ZFHX3: variants seen among roughly 807,000 people sequenced by gnomAD.
The protein encoded by ZFHX3 is zinc finger homeobox 3.
Under a neutral mutation model 279.1 loss-of-function variants are expected in ZFHX3, and 42 were observed. The ratio of observed to expected loss-of-function variants is 0.15; its 90% CI spans 0.12 to 0.19. ZFHX3 has a LOEUF of 0.19. Ranked by LOEUF, ZFHX3 falls within the 10% of genes least tolerant of loss-of-function variation. The pLI, the probability that ZFHX3 is intolerant of heterozygous loss-of-function variation, is 1.00. For missense variants in ZFHX3, 4,981 were observed against 4,754.0 expected, an observed-to-expected ratio of 1.05 and a Z score of -1.40; for synonymous variants, 2,293 against 1,957.8, an observed-to-expected ratio of 1.17 and a Z score of -4.52.
chr16:73,505,473 CG>C (rs925703801), intron 2 of ZFHX3, among the ~76,000 whole-genome samples: 14 of 151,818 alleles, frequency 9.2e-5, no homozygotes, highest in African/African-American at 3.4e-4. Flanking sequence ...AGGGGCAATT[CG>C]TCTCCTTATT....
intron 3 of ZFHX3, among the ~76,000 whole-genome samples, chr16:72,900,211 A>G (rs140573482): frequency 2.3e-3 from 350 of 152,096 alleles, no homozygotes; most frequent in African/African-American, 7.8e-3. Flanking sequence ...AATAAAATGC[A>G]AGGACCACGT....
intron 3 of ZFHX3, among the ~76,000 whole-genome samples, chr16:73,451,201 G>A (rs528607273): frequency 6.6e-6 from 1 of 152,190 alleles, no homozygotes; most frequent in South Asian, 2.1e-4. Context: ...CTGAACTGGG[G>A]TGTTCCCAGA....
At chr16:72,853,287 C>T (rs1344595737) in intron 4 of ZFHX3, among the ~76,000 whole-genome samples, 1 of 152,214 alleles carries the variant, frequency 6.6e-6, no homozygotes, top group Non-Finnish European at 1.5e-5. Context: ...CTTCTACCAC[C>T]AAACACAATA....
At chr16:73,269,940 G>A (rs1476425890) in intron 4 of ZFHX3, among the ~76,000 whole-genome samples, 4 of 152,010 alleles carry the variant, frequency 2.6e-5, no homozygotes, top group African/African-American at 4.8e-5. Flanking sequence ...TAGAGATGGA[G>A]TTTCACCATG....
intron 2 of ZFHX3, among the ~76,000 whole-genome samples, chr16:73,603,109 C>T (rs1445440156): frequency 6.6e-6 from 1 of 151,780 alleles, no homozygotes; most frequent in East Asian, 1.9e-4. Flanking sequence ...CACGGTAAAA[C>T]CTGTCTCTAC....
At chr16:72,990,701 C>A (rs1444132810) in intron 1 of ZFHX3, among the ~76,000 whole-genome samples, 3 of 152,198 alleles carry the variant, frequency 2.0e-5, no homozygotes. Flanking sequence ...TCAATAATGG[C>A]TGGGCGCAGT....
At chr16:73,499,377 G>A (rs1018209595) in intron 2 of ZFHX3, 3 of 152,246 alleles carry the variant, frequency 2.0e-5, no homozygotes, top group African/African-American at 7.2e-5. Context: ...TGGGTAACAA[G>A]CTGCCGCTCT....
At chr16:73,189,719 T>A (rs1341530992) in intron 5 of ZFHX3, among the ~76,000 whole-genome samples, 1 of 152,188 alleles carries the variant, frequency 6.6e-6, no homozygotes, top group East Asian at 1.9e-4. Context: ...GAAGGAGTTG[T>A]CTTGGGCATT....
At chr16:73,854,937 T>C (rs755255886) in intron 1 of ZFHX3, among the ~76,000 whole-genome samples, 1 of 151,928 alleles carries the variant, frequency 6.6e-6, no homozygotes. Flanking sequence ...GGGACATGTA[T>C]GTTGTTATTA....
chr16:73,138,950 C>A (rs1352724708), intron 6 of ZFHX3, among the ~76,000 whole-genome samples: 3 of 152,306 alleles, frequency 2.0e-5, no homozygotes, highest in East Asian at 1.9e-4. Context: ...CTCGGCCTCC[C>A]AAAGGGCTGG....
At chr16:72,931,108 C>T (rs973369069) in intron 3 of ZFHX3, among the ~76,000 whole-genome samples, 2 of 152,080 alleles carry the variant, frequency 1.3e-5, no homozygotes, top group African/African-American at 4.8e-5. Flanking sequence ...CAGCATGAAA[C>T]GTATGTTGCC....
chr16:73,263,446 C>T (rs187858979), intron 4 of ZFHX3, among the ~76,000 whole-genome samples: 2,201 of 152,304 alleles, frequency 0.014, 51 homozygotes, highest in African/African-American at 0.051. Context: ...GCCTCGGCCT[C>T]CCAGACTGTT....
At chr16:72,822,367 T>C (rs2036814989) in intron 5 of ZFHX3, among the ~76,000 whole-genome samples, 1 of 152,162 alleles carries the variant, frequency 6.6e-6, no homozygotes, top group Non-Finnish European at 1.5e-5. Context: ...AGAAAATATA[T>C]CTGACTCAGA....
intron 8 of ZFHX3, among the ~76,000 whole-genome samples, chr16:73,078,709 A>G (rs1857091784): frequency 6.6e-6 from 1 of 151,128 alleles, no homozygotes; most frequent in African/African-American, 2.4e-5. Flanking sequence ...CAGTGGCGCA[A>G]TCTCCACTCA....
At chr16:72,998,855 G>T (rs1963389181) in intron 1 of ZFHX3, among the ~76,000 whole-genome samples, 1 of 152,212 alleles carries the variant, frequency 6.6e-6, no homozygotes, top group African/African-American at 2.4e-5. Context: ...ACAGAATTGT[G>T]TACAACTTAT....
chr16:73,659,560 G>T (rs931356013), intron 2 of ZFHX3, among the ~76,000 whole-genome samples: 3 of 152,080 alleles, frequency 2.0e-5, no homozygotes, highest in Non-Finnish European at 4.4e-5. Context: ...CTGGGGAGGT[G>T]GCTACAGGCT....
chr16:73,325,789 G>T (rs762675441), intron 3 of ZFHX3, among the ~76,000 whole-genome samples: 4 of 152,028 alleles, frequency 2.6e-5, no homozygotes, highest in Non-Finnish European at 5.9e-5. Flanking sequence ...CAAATGAGAA[G>T]TAATTTTCCT....
At chr16:73,433,416 C>T (rs2017943477) in intron 3 of ZFHX3, among the ~76,000 whole-genome samples, 1 of 152,152 alleles carries the variant, frequency 6.6e-6, no homozygotes. Flanking sequence ...ATAGATACCG[C>T]ATCAAAAACA....
intron 1 of ZFHX3, among the ~76,000 whole-genome samples, chr16:73,805,423 C>T (rs73602101): frequency 0.31 from 47,075 of 152,010 alleles, 7,694 homozygotes; most frequent in South Asian, 0.49. Flanking sequence ...CCTGCCTCTG[C>T]CTCCCAAAGT....
Sources: gnomAD v4.1 joint callset for allele counts (sites outside exome capture counted in the v4.1 genomes callset) on GRCh38, gnomAD v4.1.1 for gene constraint, MANE v1.5 for transcripts, NCBI Gene and HGNC (gene_info 2026-07-23, HGNC 2026-07-21) for gene names.